Variants in ZNF730 observed in about 807,000 individuals in gnomAD.
The protein encoded by ZNF730 is zinc finger protein 730.
In ZNF730, 12 loss-of-function variants were observed where a neutral mutation model predicts 12.6. That is an observed-to-expected ratio of 0.95 (90% CI 0.61 to 1.54). ZNF730 has a LOEUF of 1.54. Ranked by LOEUF, ZNF730 falls within the 40% of genes most tolerant of loss-of-function variation. The pLI is 0.00. For missense variants in ZNF730, 643 were observed against 583.5 expected (o/e 1.10, Z -1.05); for synonymous variants, 194 against 195.8 (o/e 0.99, Z 0.08).
chr19:23,116,036 T>C (rs1043252892), upstream of ZNF730, among the ~76,000 whole-genome samples: 25 of 152,362 alleles, frequency 1.6e-4, no homozygotes, highest in Non-Finnish European at 2.1e-4. Context: ...CATGTAGATA[T>C]GTATGCATGT....
chr19:23,080,693 C>A (rs1439211210), intron 1 of ZNF730, among the ~76,000 whole-genome samples: 1 of 151,598 alleles, frequency 6.6e-6, no homozygotes, highest in Non-Finnish European at 1.5e-5. Context: ...ACTTTTATTG[C>A]CTGATCTCTT....
intron 1 of ZNF730, among the ~76,000 whole-genome samples, chr19:23,077,508 G>A (rs1056278833): frequency 5.4e-5 from 7 of 129,948 alleles, no homozygotes; most frequent in African/African-American, 2.1e-4. Flanking sequence ...CAGTGTCTTG[G>A]CTCACTGCAA....
chr19:23,112,631 G>A (rs1363990331), upstream of ZNF730, among the ~76,000 whole-genome samples: 1 of 151,960 alleles, frequency 6.6e-6, no homozygotes, highest in Non-Finnish European at 1.5e-5. Context: ...ACTGGGGCAC[G>A]AGAATCGCTT....
At chr19:23,125,126 C>T (rs923091164) in intron 1 of ZNF730, among the ~76,000 whole-genome samples, 22 of 152,200 alleles carry the variant, frequency 1.4e-4, no homozygotes, top group Middle Eastern at 3.2e-3. Flanking sequence ...TTCTCCTTGC[C>T]TTCTGCCATG....
At chr19:23,127,927 C>T in intron 1 of ZNF730, 1 of 685,930 alleles carries the variant, frequency 1.5e-6, no homozygotes, top group South Asian at 1.6e-5. Flanking sequence ...GAAGGTTGGC[C>T]TAACCAATTA....
intron 1 of ZNF730, among the ~76,000 whole-genome samples, chr19:23,130,497 GC>G (rs1970732592): frequency 6.6e-6 from 1 of 151,992 alleles, no homozygotes; most frequent in Non-Finnish European, 1.5e-5. Flanking sequence ...ATAAATGTGT[GC>G]AAAAAAAACT....
At chr19:23,130,503 A>G (rs1970732696) in intron 1 of ZNF730, among the ~76,000 whole-genome samples, 1 of 152,208 alleles carries the variant, frequency 6.6e-6, no homozygotes, top group East Asian at 1.9e-4. Context: ...GTGTGCAAAA[A>G]AAACTTGGGC....
Position 23,145,353 on chromosome 19 carries a change from TA to T in ZNF730, c.315del (p.Lys105AsnfsTer9). 1.3e-6 allele frequency: 2 copies of T among 1,595,858 alleles called. No homozygotes were observed. The highest frequency in any genetic ancestry group is 1.7e-5 in the Admixed American group (1 of 57,216). On this transcript the variant is annotated frameshift_variant, in exon 4 of 4. Coordinates refer to ENST00000597761, the MANE Select transcript of ZNF730 (RefSeq NM_001277403.2). LOFTEE classifies it low-confidence loss of function (END_TRUNC). ...YFQEVILRQYKKCRHENLLLR... is the reference protein window; with the variant it reads ...YFQEVILRQYXKCRHENLLLR... ...TCCAAGAAGTCATACTGAGACAATA[TA>T]AAAAATGTAGACATGAGAATTTACT...
intron 1 of ZNF730, among the ~76,000 whole-genome samples, chr19:23,094,421 CTA>C (rs1970215558): frequency 6.6e-6 from 1 of 150,688 alleles, no homozygotes; most frequent in Admixed American, 6.6e-5. Context: ...TGTGGGCACT[CTA>C]TAGATAGGTA....
chr19:23,085,025 A>G (rs942519721), intron 1 of ZNF730, among the ~76,000 whole-genome samples: 7 of 152,164 alleles, frequency 4.6e-5, no homozygotes, highest in African/African-American at 1.4e-4. Context: ...TTAGGTCTTT[A>G]AAAAATCACC....
At chr19:23,114,300 C>CTTTT (rs11413226), upstream of ZNF730, among the ~76,000 whole-genome samples, 12,401 of 116,486 alleles carry the variant, frequency 0.11, 1,897 homozygotes, top group African/African-American at 0.22. Flanking sequence ...TTTTCTTTTT[C>CTTTT]TTTTCTTTTT....
At chr19:23,082,229 T>G (rs535260414) in intron 1 of ZNF730, among the ~76,000 whole-genome samples, 1 of 152,172 alleles carries the variant, frequency 6.6e-6, no homozygotes, top group African/African-American at 2.4e-5. Context: ...CTATAAACCC[T>G]TTTTTTCAGA....
intron 3 of ZNF730, among the ~76,000 whole-genome samples, chr19:23,140,373 G>A (rs1970897530): frequency 3.3e-5 from 5 of 151,904 alleles, no homozygotes. Context: ...ACTTTGGGAG[G>A]CCAAGGTGGG....
intron 1 of ZNF730, among the ~76,000 whole-genome samples, chr19:23,111,359 TATAAC>T (rs2145574117): frequency 6.6e-6 from 1 of 152,352 alleles, no homozygotes; most frequent in East Asian, 1.9e-4. Context: ...GGGTTGATGT[TATAAC>T]AGTAACTAAA....
intron 1 of ZNF730, among the ~76,000 whole-genome samples, chr19:23,089,292 T>C (rs1054547488): frequency 6.6e-6 from 1 of 150,750 alleles, no homozygotes; most frequent in Non-Finnish European, 1.5e-5. Flanking sequence ...TGGCAACCTT[T>C]GTCTCCTAGG....
At position 23,145,655 on chromosome 19, in the gene ZNF730, A is replaced by G; in HGVS notation, c.611A>G (p.Glu204Gly). 1 of 1,555,248 alleles carries G rather than the reference A, an allele frequency of 6.4e-7. No homozygotes were observed. The highest frequency in any genetic ancestry group is 1.2e-5 in the South Asian group (1 of 83,680). ...ACTGGAGAGAAATCCTACAAATGTG[A>G]AGAATATGGCAAAGCCTTTAATGAG... ...IHTGEKSYKC[E>G]EYGKAFNESS... The change falls in exon 4 of 4, where the codon GAA becomes GGA. Residue 204 changes from glutamate (E) to glycine (G), a missense_variant. Glu to Gly is a moderately conservative substitution (Grantham distance 98). Transcript: ENST00000597761.
chr19:23,146,907 T>C lies in ZNF730; in HGVS notation c.*351T>C, dbSNP rs2145718213. ...TCTACAAACCTGAAAGTTTTAACAG[T>C]GCTTTTGACAACACCTCAAACTTTT... On this transcript the variant is annotated 3_prime_UTR_variant, in exon 4 of 4. Coordinates refer to ENST00000597761, the MANE Select transcript of ZNF730 (RefSeq NM_001277403.2). 2.0e-6 allele frequency: 1 copy of C among 512,790 alleles called. No homozygotes were observed. 31.8% of individuals were successfully genotyped at this position (512,790 alleles called of 1,614,324 possible). A position where few individuals can be genotyped will look rare whatever the true frequency, so the allele number is the denominator to read the frequency against.
chr19:23,076,760 C>G (rs1447805766), intron 1 of ZNF730, among the ~76,000 whole-genome samples: 1 of 152,164 alleles, frequency 6.6e-6, no homozygotes, highest in Non-Finnish European at 1.5e-5. Flanking sequence ...ATCAGTTCAC[C>G]TATTGTCGAC....
chr19:23,106,772 G>A lies in ZNF730; in HGVS notation c.-93-27308G>A, dbSNP rs1599581895. On this transcript the variant is annotated intron_variant, in intron 1 of 2. Transcript: ENST00000593635. ...GCCATTGCACTCCAGCCTGGGCCACGAGAGCGAGAACTGCGTCTCAAAAAA... is the reference window on the plus strand; with the variant it reads ...GCCATTGCACTCCAGCCTGGGCCACAAGAGCGAGAACTGCGTCTCAAAAAA... Among the ~76,000 whole-genome samples, 4 of 145,706 alleles carry A rather than the reference G, an allele frequency of 2.7e-5. No homozygotes were observed. In the South Asian group the frequency reaches 8.6e-4, roughly 31 times the overall value.
Sources: gnomAD v4.1 joint callset for allele counts (sites outside exome capture counted in the v4.1 genomes callset) on GRCh38, gnomAD v4.1.1 for gene constraint, MANE v1.5 for transcripts, NCBI Gene and HGNC (gene_info 2026-07-23, HGNC 2026-07-21) for gene names.